KIF26B: variants seen among roughly 807,000 people sequenced by gnomAD.
The protein encoded by KIF26B is kinesin-like protein KIF26B.
In KIF26B, 63 loss-of-function variants were observed where a neutral mutation model predicts 151.2. That is an observed-to-expected ratio of 0.42 (90% CI 0.34 to 0.51). KIF26B has a LOEUF of 0.51. Ranked by LOEUF, KIF26B falls within the 20% of genes least tolerant of loss-of-function variation. The pLI is 0.07. For synonymous variants in KIF26B, 1,357 were observed against 1,262.1 expected (o/e 1.08, Z -1.59); for missense variants, 2,813 against 2,913.6 (o/e 0.97, Z 0.79).
intron 2 of KIF26B, among the ~76,000 whole-genome samples, chr1:245,172,224 G>T (rs930784726): frequency 3.0e-4 from 45 of 152,078 alleles, no homozygotes; most frequent in Admixed American, 1.2e-3. Flanking sequence ...GGTGGGGGGG[G>T]TGGGTACAGA....
rs1671160709 is a variant in KIF26B, at chr1:245,286,086, C to T, written c.466-80748C>T. On this transcript the variant is annotated intron_variant, in intron 2 of 14. Transcript: ENST00000407071. ...TCAAGAGGTTCACTGCTTCCCCCAG[C>T]TTTGCTACTTTGGCAGGGTAGGGCT... 2.0e-5 allele frequency among the ~76,000 whole-genome samples: 3 copies of T among 151,914 alleles called. No individual in the cohort carries two copies. The South Asian group carries it at 6.2e-4, about 32-fold the overall frequency.
intron 2 of KIF26B, among the ~76,000 whole-genome samples, chr1:245,175,969 TAGAC>T (rs1404613560): frequency 7.3e-6 from 1 of 137,842 alleles, no homozygotes; most frequent in African/African-American, 2.9e-5. Flanking sequence ...TCTATATATA[TAGAC>T]ATCTATATAT....
rs549157754 is a variant in KIF26B, at chr1:245,200,899, G to A, written c.465+44216G>A. 2.0e-4 allele frequency among the ~76,000 whole-genome samples: 30 copies of A among 152,320 alleles called. No individual in the cohort carries two copies. The South Asian group carries it at 6.2e-3, about 32-fold the overall frequency. ...CACAGTACAGGACGTTTTCCAAAGG[G>A]CGTGAAAGTCATTGTGTGACCCCTG... On this transcript the variant is annotated intron_variant, in intron 2 of 14. Coordinates refer to ENST00000407071, the MANE Select transcript of KIF26B (RefSeq NM_018012.4).
chr1:245,172,383 G>C (rs982598238), intron 2 of KIF26B, among the ~76,000 whole-genome samples: 5 of 152,178 alleles, frequency 3.3e-5, no homozygotes, highest in Non-Finnish European at 5.9e-5. Context: ...TTCCTAGAAG[G>C]GGTGATGATG....
chr1:245,376,888 A>T (rs1211264776), intron 3 of KIF26B, among the ~76,000 whole-genome samples: 1 of 151,914 alleles, frequency 6.6e-6, no homozygotes, highest in Admixed American at 6.6e-5. Flanking sequence ...GGGTTTCACC[A>T]TGTTGGCCAG....
intron 4 of KIF26B, among the ~76,000 whole-genome samples, chr1:245,521,205 CG>C (rs1661095738): frequency 6.6e-6 from 1 of 151,996 alleles, no homozygotes; most frequent in African/African-American, 2.4e-5. Context: ...GGTGTGGTGG[CG>C]AGCACCTGTA....
chr1:245,326,936 C>T (rs980477136), intron 2 of KIF26B, among the ~76,000 whole-genome samples: 3 of 152,216 alleles, frequency 2.0e-5, no homozygotes, highest in Non-Finnish European at 4.4e-5. Context: ...GCCTTCACAT[C>T]CATCTCTCAG....
At chr1:245,305,782 C>A (rs1242223884) in intron 2 of KIF26B, among the ~76,000 whole-genome samples, 2 of 151,554 alleles carry the variant, frequency 1.3e-5, no homozygotes, top group Admixed American at 6.6e-5. Flanking sequence ...ACTAAAAATA[C>A]AAAAAATTAG....
At chr1:245,473,040 C>T (rs189306393) in intron 4 of KIF26B, among the ~76,000 whole-genome samples, 30 of 152,354 alleles carry the variant, frequency 2.0e-4, no homozygotes, top group South Asian at 6.2e-4. Context: ...CTCTCTGTCT[C>T]GTGCAACTTA....
chr1:245,406,030 A>G (rs984673204), intron 3 of KIF26B, among the ~76,000 whole-genome samples: 4 of 152,146 alleles, frequency 2.6e-5, no homozygotes, highest in Non-Finnish European at 5.9e-5. Context: ...CACAAAGGCC[A>G]CTCAAAGGTT....
At chr1:245,313,421 T>C (rs1203900866) in intron 2 of KIF26B, among the ~76,000 whole-genome samples, 1 of 152,194 alleles carries the variant, frequency 6.6e-6, no homozygotes, top group East Asian at 1.9e-4. Flanking sequence ...AGCCCAAAAA[T>C]GACAGAGAAG....
chr1:245,251,671 T>G (rs767893071), intron 2 of KIF26B, among the ~76,000 whole-genome samples: 5 of 152,238 alleles, frequency 3.3e-5, no homozygotes, highest in Non-Finnish European at 7.3e-5. Context: ...CACTGTTTAT[T>G]GAATGGTCTA....
At chr1:245,569,521 T>C (rs2043043850) in intron 5 of KIF26B, among the ~76,000 whole-genome samples, 1 of 151,410 alleles carries the variant, frequency 6.6e-6, no homozygotes, top group Non-Finnish European at 1.5e-5. Context: ...GAGGCAGAAT[T>C]GCTTGAACCT....
intron 2 of KIF26B, among the ~76,000 whole-genome samples, chr1:245,246,942 TACAGACACACACACACACACAGAC>T (rs1558360486): frequency 3.8e-5 from 5 of 131,844 alleles, no homozygotes; most frequent in African/African-American, 5.8e-5. Flanking sequence ...CACACACAGA[TACAGACACACACACACACACAGAC>T]ACAGACACAC....
At chr1:245,653,148 G>A (rs2044037782) in intron 10 of KIF26B, among the ~76,000 whole-genome samples, 1 of 152,170 alleles carries the variant, frequency 6.6e-6, no homozygotes, top group East Asian at 1.9e-4. Context: ...TGGCCTGCAG[G>A]GGAGGGACAG....
intron 10 of KIF26B, among the ~76,000 whole-genome samples, chr1:245,655,137 A>G (rs563918607): frequency 6.6e-6 from 1 of 152,330 alleles, no homozygotes; most frequent in East Asian, 1.9e-4. Context: ...GCCCGGTGAG[A>G]TGGATTCTAG....
intron 4 of KIF26B, among the ~76,000 whole-genome samples, chr1:245,463,915 C>T (rs895399572): frequency 2.0e-5 from 3 of 152,164 alleles, no homozygotes; most frequent in African/African-American, 2.4e-5. Context: ...AAGGCTTCCC[C>T]GTAATGATTT....
At chr1:245,513,662 C>A (rs1441220726) in intron 4 of KIF26B, among the ~76,000 whole-genome samples, 1 of 152,180 alleles carries the variant, frequency 6.6e-6, no homozygotes, top group Admixed American at 6.5e-5. Context: ...TCTGGACAGC[C>A]GTCTTTCTAA....
At chr1:245,301,003 T>C (rs922840976) in intron 2 of KIF26B, among the ~76,000 whole-genome samples, 6 of 149,122 alleles carry the variant, frequency 4.0e-5, no homozygotes, top group Non-Finnish European at 8.9e-5. Flanking sequence ...CTAATTTTTA[T>C]ATTTTTAGTA....
Sources: gnomAD v4.1 joint callset for allele counts (sites outside exome capture counted in the v4.1 genomes callset) on GRCh38, gnomAD v4.1.1 for gene constraint, MANE v1.5 for transcripts, NCBI Gene and HGNC (gene_info 2026-07-23, HGNC 2026-07-21) for gene names.